The following CLEC16A variants were observed in gnomAD, a reference collection of about 807,000 sequenced individuals.
CLEC16A encodes C-type lectin domain containing 16A.
Under a neutral mutation model 109.5 loss-of-function variants are expected in CLEC16A, and 51 were observed. The observed-to-expected ratio is 0.47, with a 90% CI of 0.37 to 0.59. CLEC16A has a LOEUF of 0.59. Among genes scored for constraint, CLEC16A ranks in the 20% least tolerant of loss-of-function variants. The probability of loss-of-function intolerance (pLI) is 0.00; values close to 1 mark genes in which losing one functional copy is unlikely to be tolerated. For synonymous variants in CLEC16A, 673 were observed against 564.2 expected, an observed-to-expected ratio of 1.19 and a Z score of -2.73; for missense variants, 1,339 against 1,394.0, an observed-to-expected ratio of 0.96 and a Z score of 0.63.
intron 10 of CLEC16A, 26 bp downstream of exon 10, chr16:10,983,017 C>T (rs202190607): frequency 1.6e-6 from 2 of 1,267,358 alleles, no homozygotes; most frequent in South Asian, 1.2e-5. Context: ...CGGGACTGAC[C>T]TTAACAGGAA....
At chr16:11,106,263 T>C (rs1197366785) in intron 19 of CLEC16A, among the ~76,000 whole-genome samples, 1 of 152,174 alleles carries the variant, frequency 6.6e-6, no homozygotes. Flanking sequence ...ACTTGTCTAC[T>C]TGTCTTATCA....
At chr16:10,959,219 G>A (rs753304250) in intron 2 of CLEC16A, among the ~76,000 whole-genome samples, 8 of 152,146 alleles carry the variant, frequency 5.3e-5, no homozygotes, top group Non-Finnish European at 1.2e-4. Flanking sequence ...TATAGGTTCA[G>A]GGTAGCTTTA....
chr16:11,052,773 C>T (rs1043926250), intron 18 of CLEC16A, among the ~76,000 whole-genome samples: 1 of 152,198 alleles, frequency 6.6e-6, no homozygotes, highest in Non-Finnish European at 1.5e-5. Context: ...GCCAGGGCTA[C>T]AGCATCCTGT....
Position 11,180,808 on chromosome 16 carries a change from A to C in CLEC16A, c.*2118A>C, listed in dbSNP as rs1218844813. The C allele has an allele frequency of 2.0e-5, 3 of 152,398 alleles. No individual in the cohort carries two copies. Among genetic ancestry groups the C allele is most frequent in the Non-Finnish European group, 4.4e-5 (3 of 68,206 alleles). 9.4% of individuals were successfully genotyped at this position (152,398 alleles called of 1,614,324 possible). A position where few individuals can be genotyped will look rare whatever the true frequency, so the allele number is the denominator to read the frequency against. On this transcript the variant is annotated 3_prime_UTR_variant, in exon 24 of 24. Transcript: ENST00000409790. ...TGCTGTCAGAAGTCTCTGGGCTCCA[A>C]CTGGTCTTGTAACCACTGAGCACTG...
intron 19 of CLEC16A, among the ~76,000 whole-genome samples, chr16:11,091,568 T>A (rs1240607142): frequency 6.6e-6 from 1 of 152,136 alleles, no homozygotes; most frequent in African/African-American, 2.4e-5. Context: ...CGGAGATGGG[T>A]AGAGTTAGTG....
At chr16:11,066,174 G>C (rs2048744649) in intron 19 of CLEC16A, among the ~76,000 whole-genome samples, 1 of 152,044 alleles carries the variant, frequency 6.6e-6, no homozygotes, top group Non-Finnish European at 1.5e-5. Context: ...AATAGGACTT[G>C]CTGGGAGGAG....
chr16:11,080,142 C>A (rs1422108859), intron 19 of CLEC16A, among the ~76,000 whole-genome samples: 1 of 152,348 alleles, frequency 6.6e-6, no homozygotes, highest in Admixed American at 6.5e-5. Context: ...TGTTTCCTCA[C>A]CCACTCCCGT....
chr16:11,105,757 T>C (rs902927918), intron 19 of CLEC16A, among the ~76,000 whole-genome samples: 4 of 152,222 alleles, frequency 2.6e-5, no homozygotes, highest in African/African-American at 9.7e-5. Flanking sequence ...TAGTTATTGC[T>C]CCTGGGCCGT....
rs904197915 is a variant in CLEC16A, at chr16:11,169,578, C to T, written c.2806+3026C>T. Among the ~76,000 whole-genome samples, 13 of 152,346 alleles carry T rather than the reference C, an allele frequency of 8.5e-5. No individual in the cohort carries two copies. In the Middle Eastern group the frequency reaches 0.017, roughly 199 times the overall value. ...CTGGCATTACAGGCATGAGCCATCA[C>T]GCCTGGCCCTCCTTTGCACACTTTG... On this transcript the variant is annotated intron_variant, in intron 23 of 23. Coordinates refer to ENST00000409790, the MANE Select transcript of CLEC16A (RefSeq NM_015226.3).
intron 10 of CLEC16A, among the ~76,000 whole-genome samples, chr16:10,983,273 C>T (rs1348119894): frequency 6.6e-6 from 1 of 152,182 alleles, no homozygotes; most frequent in Admixed American, 6.5e-5. Flanking sequence ...TATCGGGACA[C>T]AGTGAGAAAA....
intron 23 of CLEC16A, 69 bp downstream of exon 23, chr16:11,166,621 A>C (rs1597616982): frequency 7.0e-7 from 1 of 1,430,254 alleles, no homozygotes; most frequent in Non-Finnish European, 9.2e-7. Context: ...CATTACCAAA[A>C]CCCCTGACCT....
intron 19 of CLEC16A, among the ~76,000 whole-genome samples, chr16:11,075,406 GTGTGTC>G (rs1184004670): frequency 5.2e-5 from 7 of 135,180 alleles, no homozygotes; most frequent in African/African-American, 1.8e-4. Context: ...GTGTGTGTGT[GTGTGTC>G]TGTGTGTGTG....
intron 10 of CLEC16A, among the ~76,000 whole-genome samples, chr16:10,985,234 T>C (rs2043570871): frequency 1.4e-5 from 2 of 147,454 alleles, no homozygotes; most frequent in Non-Finnish European, 3.0e-5. Flanking sequence ...TATATATATA[T>C]ATAGTGCCCA....
chr16:10,951,325 T>C (rs766208266), intron 1 of CLEC16A, among the ~76,000 whole-genome samples: 13 of 152,256 alleles, frequency 8.5e-5, no homozygotes, highest in Non-Finnish European at 1.9e-4. Flanking sequence ...TAGAGCCTTT[T>C]ATAAGGACTT....
chr16:11,018,244 C>T (rs1277872175), intron 11 of CLEC16A, among the ~76,000 whole-genome samples: 1 of 149,652 alleles, frequency 6.7e-6, no homozygotes, highest in African/African-American at 2.5e-5. Context: ...GATCACACCA[C>T]TGCACTCTAG....
chr16:11,003,684 T>C (rs1369709761), intron 11 of CLEC16A, among the ~76,000 whole-genome samples: 2 of 152,220 alleles, frequency 1.3e-5, no homozygotes, highest in Non-Finnish European at 2.9e-5. Context: ...AAGGCTTCGA[T>C]GCTGCAGAAG....
chr16:10,972,959 A>G lies in CLEC16A; in HGVS notation c.626A>G (p.His209Arg), dbSNP rs201475595. Residue 209 changes from histidine (H) to arginine (R), a missense_variant, in exon 7 of 24, where the codon CAC (histidine) becomes CGC (arginine). This residue lies in a region of CLEC16A where 161 missense variants were observed against 267.1 expected (regional missense o/e 0.60). Transcript: ENST00000409790. ...TCAGTGGATAACCAGGCCATGCTGC[A>G]CTACATCCGAGATAAAACTGCTGTT... ...KVSLDNQAML[H>R]YIRDKTAVPY... 7.5e-6 allele frequency: 12 copies of G among 1,609,902 alleles called. No homozygotes were observed. Among genetic ancestry groups the G allele is most frequent in the Non-Finnish European group, 1.0e-5 (12 of 1,178,922 alleles).
chr16:11,041,987 A>G (rs1175566906), intron 14 of CLEC16A: 2 of 426,040 alleles, frequency 4.7e-6, no homozygotes, highest in Non-Finnish European at 8.6e-6. Flanking sequence ...AACAGTGTTT[A>G]GTCACCCTCT....
intron 19 of CLEC16A, among the ~76,000 whole-genome samples, chr16:11,067,189 GT>G (rs71406205): frequency 0.087 from 8,589 of 98,242 alleles, 441 homozygotes; most frequent in African/African-American, 0.24. Context: ...GTTTGTTTTT[GT>G]TTTTTTTTTT....
Sources: gnomAD v4.1 joint callset for allele counts (sites outside exome capture counted in the v4.1 genomes callset) on GRCh38, gnomAD v4.1.1 for gene constraint, gnomAD v4.1.1 regional missense constraint, MANE v1.5 for transcripts, NCBI Gene and HGNC (gene_info 2026-07-23, HGNC 2026-07-21) for gene names.